TPCN1: variants seen among roughly 807,000 people sequenced by gnomAD.
The protein encoded by TPCN1 is two pore segment channel 1, also known as two pore channel protein 1.
Under a neutral mutation model 108.8 loss-of-function variants are expected in TPCN1, and 52 were observed. That is an observed-to-expected ratio of 0.48 (90% CI 0.38 to 0.60). The LOEUF (loss-of-function observed/expected upper bound fraction) is 0.60, where lower values mean the gene tolerates loss of function less well. Ranked by LOEUF, TPCN1 falls within the 20% of genes least tolerant of loss-of-function variation. TPCN1 has a pLI of 0.00. For missense variants in TPCN1, 806 were observed against 1,072.8 expected (o/e 0.75, Z 3.47); for synonymous variants, 446 against 433.7 (o/e 1.03, Z -0.35).
chr12:113,238,255 C>T (rs571133385), intron 2 of TPCN1, among the ~76,000 whole-genome samples: 1 of 152,164 alleles, frequency 6.6e-6, no homozygotes, highest in Non-Finnish European at 1.5e-5. Context: ...TCTTTGCCCA[C>T]ATATTTTAGC....
intron 10 of TPCN1, among the ~76,000 whole-genome samples, chr12:113,276,616 A>G (rs1175505854): frequency 6.6e-6 from 1 of 152,096 alleles, no homozygotes; most frequent in Non-Finnish European, 1.5e-5. Context: ...AGCCTGGGAC[A>G]AGCTGTAGCT....
In TPCN1 at chr12:113,295,962, G is replaced by C; in HGVS notation, c.2337G>C (p.Glu779Asp). 1.2e-6 allele frequency: 2 copies of C among 1,600,474 alleles called. No individual in the cohort carries two copies. Among genetic ancestry groups the C allele is most frequent in the Non-Finnish European group, 1.7e-6 (2 of 1,174,240 alleles). The change falls in exon 28 of 28, where the codon GAG becomes GAC. Residue 779 changes from glutamate to aspartate, a missense_variant and splice_region_variant. Transcript: ENST00000335509. ...ACCCCTTCTGCTCTCTTCTCCAGGA[G>C]TGGTATGAGGAGCATGCCAGGGAGC... ...SLKMYQEEIQ[E>D]WYEEHAREQE...
chr12:113,222,245 G>A (rs933735562), intron 1 of TPCN1, among the ~76,000 whole-genome samples: 1 of 152,210 alleles, frequency 6.6e-6, no homozygotes, highest in Non-Finnish European at 1.5e-5. Flanking sequence ...CTAGTCGTAG[G>A]TGTATATAGG....
chr12:113,238,605 A>G lies in TPCN1; in HGVS notation c.112+11641A>G, dbSNP rs112208653. On this transcript the variant is annotated intron_variant, in intron 2 of 27. Coordinates refer to ENST00000335509, the MANE Select transcript of TPCN1 (RefSeq NM_017901.6). ...CCACCACTCCTGGCCCTTCCTGTTT[A>G]TTTAGCTGAAGGCCTTGAGAGCCTT... is the stretch of plus-strand genomic sequence containing the variant. 1.4e-4 allele frequency among the ~76,000 whole-genome samples: 22 copies of G among 152,284 alleles called. 1 individual carries two copies. The highest frequency in any genetic ancestry group is 5.1e-4 in the African/African-American group (21 of 41,552).
Position 113,272,337 on chromosome 12 carries a change from A to G in TPCN1, c.749-321A>G, listed in dbSNP as rs1955531116. On this transcript the variant is annotated intron_variant, in intron 7 of 27. Transcript: ENST00000335509. This position sits in a 1 kb window ranked among gnomAD's most constrained non-coding sequence, Gnocchi z 4.1. ...AGCCTGGATTCCAGATCCAGCCTAC[A>G]GATGGGTTTTGTTTGGTCTGAAAAC... 6.6e-6 allele frequency among the ~76,000 whole-genome samples: 1 copy of G among 152,254 alleles called. No individual in the cohort carries two copies. Among genetic ancestry groups the G allele is most frequent in the Admixed American group, 6.5e-5 (1 of 15,290 alleles).
chr12:113,288,264 G>T lies in TPCN1; in HGVS notation c.1706+30G>T, dbSNP rs1398048692. The T allele has an allele frequency of 6.2e-7, 1 of 1,613,270 alleles. No individual in the cohort carries two copies. Among genetic ancestry groups the T allele is most frequent in the African/African-American group, 1.3e-5 (1 of 75,058 alleles). ...TGCCAGCCCCCACCCTGGCCTGCAG[G>T]TCCAGGTGCCGTGTGGCAGTGCCCC... is the stretch of plus-strand genomic sequence containing the variant. On this transcript the variant is annotated intron_variant, in intron 20 of 27. Transcript: ENST00000335509. The surrounding 1 kb of genome is among the most constrained non-coding windows in gnomAD (Gnocchi z 4.8).
chr12:113,228,074 A>C (rs996660141), intron 2 of TPCN1, among the ~76,000 whole-genome samples: 2 of 152,198 alleles, frequency 1.3e-5, no homozygotes, highest in Non-Finnish European at 2.9e-5. Flanking sequence ...ATTTCAGACT[A>C]TCTGTTTTCT....
At chr12:113,290,360 T>C in intron 22 of TPCN1, 117 bp downstream of exon 22, 1 of 736,676 alleles carries the variant, frequency 1.4e-6, no homozygotes, top group Non-Finnish European at 2.3e-6. Context: ...TCTGGAAGCC[T>C]CCCTGGCCCA....
At chr12:113,271,234 G>A (rs898267789) in intron 7 of TPCN1, among the ~76,000 whole-genome samples, 14 of 152,128 alleles carry the variant, frequency 9.2e-5, no homozygotes, top group African/African-American at 9.7e-5. Flanking sequence ...CTGTGACAGC[G>A]CAACTGCATT....
chr12:113,252,695 CGAG>C (rs1015806429), intron 2 of TPCN1, among the ~76,000 whole-genome samples: 1 of 152,184 alleles, frequency 6.6e-6, no homozygotes, highest in Non-Finnish European at 1.5e-5. Flanking sequence ...CATGGGCTCA[CGAG>C]GACGCAGCTC....
rs56157843 is a variant in TPCN1, at chr12:113,254,196, T to A, written c.113-6172T>A. The stretch of plus-strand genomic sequence containing the variant: ...GAAGGTTAATATGTAATAAAAACTT[T>A]CCCAGAAAGAAAACTTCAGGCCCAG... On this transcript the variant is annotated intron_variant, in intron 2 of 27. Transcript: ENST00000335509. 4.7e-3 allele frequency among the ~76,000 whole-genome samples: 712 copies of A among 152,314 alleles called. 8 individuals carry two copies. The highest frequency in any genetic ancestry group is 0.015 in the African/African-American group (644 of 41,566).
chr12:113,252,236 A>G (rs1425972005), intron 2 of TPCN1, among the ~76,000 whole-genome samples: 5 of 152,212 alleles, frequency 3.3e-5, no homozygotes, highest in Non-Finnish European at 5.9e-5. Flanking sequence ...ACCTGCTCCC[A>G]GGAGAAACCT....
At chr12:113,290,864 G>A (rs1956244046) in intron 22 of TPCN1, 88 bp from the exon 23 acceptor site, 1 of 1,262,274 alleles carries the variant, frequency 7.9e-7, no homozygotes. Flanking sequence ...TTAGCACATG[G>A]CACCCAGGAT....
At chr12:113,275,471 T>G (rs1364296904) in intron 10 of TPCN1, among the ~76,000 whole-genome samples, 5 of 152,236 alleles carry the variant, frequency 3.3e-5, no homozygotes, top group Admixed American at 6.5e-5. Context: ...CTCGAACTCC[T>G]GACCTCAGGT....
At chr12:113,287,843 C>T (rs946841918) in intron 19 of TPCN1, among the ~76,000 whole-genome samples, 12 of 152,222 alleles carry the variant, frequency 7.9e-5, no homozygotes, top group South Asian at 4.1e-4. Flanking sequence ...GGCTTCTCCC[C>T]GCTCTTTCCC....
At chr12:113,225,349 G>A (rs1400509949) in intron 1 of TPCN1, 1 of 388,572 alleles carries the variant, frequency 2.6e-6, no homozygotes, top group Non-Finnish European at 5.2e-6. Flanking sequence ...GGGAGCCACT[G>A]TGCCCAGCCT....
intron 15 of TPCN1, among the ~76,000 whole-genome samples, chr12:113,283,675 T>C (rs897048320): frequency 6.6e-6 from 1 of 152,102 alleles, no homozygotes; most frequent in Non-Finnish European, 1.5e-5. Context: ...CTCATTTCTT[T>C]TCTTTCTTCT....
rs143200643 is a variant in TPCN1 at position 113,248,423 on chromosome 12, C to T, written c.113-11945C>T. On this transcript the variant is annotated intron_variant, in intron 2 of 27. Coordinates refer to ENST00000335509, the MANE Select transcript of TPCN1 (RefSeq NM_017901.6). The stretch of plus-strand genomic sequence containing the variant: ...CATTCCAGGCGGGGAAACAGGCCCA[C>T]GATTAAACAGATACCCTGTCAGGTG... Among the ~76,000 whole-genome samples the T allele has an allele frequency of 5.9e-5, 9 of 152,358 alleles. No homozygotes were observed. In the East Asian group the frequency reaches 1.3e-3, roughly 23 times the overall value.
chr12:113,276,900 CTG>C lies in TPCN1; in HGVS notation c.943-16_943-15del, dbSNP rs757659055. Reference sequence around the variant, plus strand: ...CCACTCAAGGTCCTGAGCTAGGGCTCTGTGCTTCTCTCCCACAGCTTCTGGCT... The same window carrying C: ...CCACTCAAGGTCCTGAGCTAGGGCTCTGCTTCTCTCCCACAGCTTCTGGCT... On this transcript the variant is annotated splice_polypyrimidine_tract_variant and intron_variant, in intron 10 of 27. Transcript: ENST00000335509. 5 of 1,581,690 alleles carry C rather than the reference CTG, an allele frequency of 3.2e-6. 1 individual carries two copies. The South Asian group carries it at 5.5e-5, about 18-fold the overall frequency.
Sources: allele counts gnomAD v4.1 joint callset (sites outside exome capture counted in the v4.1 genomes callset), GRCh38; gene constraint gnomAD v4.1.1; non-coding constraint Gnocchi (gnomAD v3.1); transcripts MANE v1.5; gene names NCBI Gene and HGNC (gene_info 2026-07-23, HGNC 2026-07-21).